SGCZ: variants seen among roughly 807,000 people sequenced by gnomAD.
SGCZ encodes the protein zeta-sarcoglycan.
Under a neutral mutation model 41.3 loss-of-function variants are expected in SGCZ, and 40 were observed. That is an observed-to-expected ratio of 0.97 (90% CI 0.75 to 1.26). The LOEUF is 1.26. SGCZ is among the 50% of genes most tolerant of loss of function. The pLI, the probability that SGCZ is intolerant of heterozygous loss-of-function variation, is 0.00. For missense variants in SGCZ, 552 were observed against 369.8 expected, an observed-to-expected ratio of 1.49 and a Z score of -4.04; for synonymous variants, 206 against 137.5, an observed-to-expected ratio of 1.50 and a Z score of -3.49.
In SGCZ at chr8:14,194,091, A is replaced by G. The variant is rs1003220924; in HGVS notation, c.425-29389T>C. ...CATGGAAATAAAGAAACATTCTGTG[A>G]AAAACTACTCAACAATATAATACGT... On this transcript the variant is annotated intron_variant, in intron 4 of 7. Transcript: ENST00000382080. Among the ~76,000 whole-genome samples the G allele has an allele frequency of 3.3e-5, 5 of 151,868 alleles. No individual in the cohort carries two copies. The East Asian group carries it at 9.6e-4, about 29-fold the overall frequency.
rs536864260 is a variant in SGCZ at position 14,849,032 on chromosome 8, G to C, written c.40-294106C>G. ...ATTTAGTAAAATATGTGAACAGATTGTTCACCAAATAAGGTATATGGATGG... is the reference window on the plus strand; with the variant it reads ...ATTTAGTAAAATATGTGAACAGATTCTTCACCAAATAAGGTATATGGATGG... On this transcript the variant is annotated intron_variant, in intron 1 of 7. Coordinates refer to ENST00000382080, the MANE Select transcript of SGCZ (RefSeq NM_139167.4). 2.0e-5 allele frequency among the ~76,000 whole-genome samples: 3 copies of C among 152,022 alleles called. No individual in the cohort carries two copies. In the South Asian group the frequency reaches 6.2e-4, roughly 32 times the overall value.
chr8:14,152,079 T>C (rs1039801102), intron 5 of SGCZ, among the ~76,000 whole-genome samples: 1 of 152,060 alleles, frequency 6.6e-6, no homozygotes. Context: ...AAATAGGCAT[T>C]GGATCTCAAA....
rs1470281984 is a variant in SGCZ, at chr8:14,285,693, T to A, written c.336+38410A>T. ...TGACTATCCCAAGAATAGTGGATAG[T>A]TGTACAGAAACCAGGGGAAAGTGGT... On this transcript the variant is annotated intron_variant, in intron 3 of 7. Coordinates refer to ENST00000382080, the MANE Select transcript of SGCZ (RefSeq NM_139167.4). 2.0e-5 allele frequency among the ~76,000 whole-genome samples: 3 copies of A among 152,080 alleles called. No individual in the cohort carries two copies. The East Asian group carries it at 5.8e-4, about 29-fold the overall frequency.
At chr8:14,195,916 G>C (rs1289541453) in intron 4 of SGCZ, among the ~76,000 whole-genome samples, 1 of 152,058 alleles carries the variant, frequency 6.6e-6, no homozygotes, top group Non-Finnish European at 1.5e-5. Flanking sequence ...AAGTTTTTCA[G>C]GGAGAATGCA....
intron 1 of SGCZ, among the ~76,000 whole-genome samples, chr8:14,977,430 A>T (rs904421237): frequency 5.9e-5 from 9 of 152,170 alleles, no homozygotes; most frequent in Non-Finnish European, 1.2e-4. Context: ...CTTTATCACC[A>T]ATTCTAAAGA....
At chr8:14,279,136 A>T (rs1208241767) in intron 3 of SGCZ, among the ~76,000 whole-genome samples, 1 of 152,098 alleles carries the variant, frequency 6.6e-6, no homozygotes, top group Non-Finnish European at 1.5e-5. Context: ...AGCCGGAGAT[A>T]AAAGCTATGT....
intron 1 of SGCZ, among the ~76,000 whole-genome samples, chr8:14,781,440 G>A (rs373181922): frequency 6.6e-6 from 1 of 151,990 alleles, no homozygotes; most frequent in Non-Finnish European, 1.5e-5. Flanking sequence ...TGTTAACCAG[G>A]CTGGTCTCAA....
At chr8:15,067,351 C>T (rs1009247537) in intron 1 of SGCZ, among the ~76,000 whole-genome samples, 2 of 152,160 alleles carry the variant, frequency 1.3e-5, no homozygotes, top group African/African-American at 4.8e-5. Flanking sequence ...GTCTAAAAAG[C>T]CATGTGTTTT....
chr8:14,109,124 T>C (rs1802297062), intron 5 of SGCZ, among the ~76,000 whole-genome samples: 3 of 152,218 alleles, frequency 2.0e-5, no homozygotes, highest in African/African-American at 7.2e-5. Flanking sequence ...CTTTGACCTC[T>C]CTGGAGTTAG....
intron 3 of SGCZ, among the ~76,000 whole-genome samples, chr8:14,238,401 C>T (rs1806845385): frequency 6.6e-6 from 1 of 152,080 alleles, no homozygotes; most frequent in African/African-American, 2.4e-5. Context: ...ACTTATTTTT[C>T]AATCTCATGG....
intron 1 of SGCZ, among the ~76,000 whole-genome samples, chr8:15,071,913 A>G (rs1378038): frequency 0.011 from 1,618 of 152,252 alleles, 29 homozygotes; most frequent in African/African-American, 0.037. Context: ...ACAGTGGGGA[A>G]CTATAATAGT....
At chr8:14,464,266 A>AT (rs148509405) in intron 2 of SGCZ, among the ~76,000 whole-genome samples, 41 of 150,560 alleles carry the variant, frequency 2.7e-4, no homozygotes, top group Admixed American at 7.3e-4. Context: ...TTGTCAGGAG[A>AT]TTTTTTTTTG....
chr8:14,964,433 G>C (rs1040779308), intron 1 of SGCZ, among the ~76,000 whole-genome samples: 7 of 152,266 alleles, frequency 4.6e-5, no homozygotes, highest in Non-Finnish European at 7.4e-5. Flanking sequence ...GGACTTTAGA[G>C]CTTCAAATTT....
chr8:14,138,769 T>A (rs916484885), intron 5 of SGCZ, among the ~76,000 whole-genome samples: 1 of 152,104 alleles, frequency 6.6e-6, no homozygotes, highest in Non-Finnish European at 1.5e-5. Context: ...ACTGTAAACA[T>A]TAGACAGATC....
chr8:15,194,740 A>G (rs1193812053), intron 1 of SGCZ, among the ~76,000 whole-genome samples: 1 of 152,182 alleles, frequency 6.6e-6, no homozygotes, highest in African/African-American at 2.4e-5. Flanking sequence ...CCGCCTTTGG[A>G]AGTTAGAACA....
chr8:14,872,068 A>C (rs1228027546), intron 1 of SGCZ, among the ~76,000 whole-genome samples: 2 of 151,988 alleles, frequency 1.3e-5, no homozygotes, highest in Non-Finnish European at 2.9e-5. Context: ...TAACACAGGA[A>C]CAGAAAACCA....
intron 1 of SGCZ, among the ~76,000 whole-genome samples, chr8:15,195,443 T>TC (rs1388412086): frequency 2.0e-5 from 3 of 152,166 alleles, no homozygotes; most frequent in African/African-American, 7.2e-5. Flanking sequence ...GTCTTAGTGC[T>TC]CGGCAAGCTC....
chr8:14,440,746 CATACGTATACACGTATATGTAT>C (rs1800232225), intron 2 of SGCZ, among the ~76,000 whole-genome samples: 2 of 145,456 alleles, frequency 1.4e-5, no homozygotes, highest in Non-Finnish European at 3.0e-5. Flanking sequence ...TATGTATATA[CATACGTATACACGTATATGTAT>C]ATATGTATAT....
chr8:14,895,769 G>A (rs1042478111), intron 1 of SGCZ, among the ~76,000 whole-genome samples: 1 of 152,178 alleles, frequency 6.6e-6, no homozygotes, highest in Non-Finnish European at 1.5e-5. Context: ...AGATGCAGTG[G>A]TTCCCAGCCC....
Sources: gnomAD v4.1 joint callset for allele counts (sites outside exome capture counted in the v4.1 genomes callset) on GRCh38, gnomAD v4.1.1 for gene constraint, MANE v1.5 for transcripts, NCBI Gene and HGNC (gene_info 2026-07-23, HGNC 2026-07-21) for gene names.